Variants in KPNA6 observed in about 807,000 individuals in gnomAD.
KPNA6 encodes the protein importin subunit alpha-7.
KPNA6 carries 9 observed loss-of-function variants against 72.0 expected under a neutral mutation model. The ratio of observed to expected loss-of-function variants is 0.13; its 90% CI spans 0.08 to 0.22. The LOEUF is 0.22. KPNA6 is among the 10% of genes least tolerant of loss of function. The pLI is 1.00. For missense variants in KPNA6, 374 were observed against 655.7 expected (o/e 0.57, Z 4.69); for synonymous variants, 219 against 242.1 (o/e 0.90, Z 0.89).
chr1:32,118,369 C>T (rs1304278024), intron 1 of KPNA6, among the ~76,000 whole-genome samples: 1 of 150,574 alleles, frequency 6.6e-6, no homozygotes, highest in African/African-American at 2.4e-5. Flanking sequence ...AATGGAGTCT[C>T]GCTTTTTCTC....
At chr1:32,152,008 C>T (rs181704618) in intron 1 of KPNA6, among the ~76,000 whole-genome samples, 8 of 152,194 alleles carry the variant, frequency 5.3e-5, no homozygotes, top group Admixed American at 4.6e-4. Flanking sequence ...ATAAGGAAAA[C>T]ATTAGTGAAG....
At chr1:32,126,908 T>C (rs1192538490) in intron 1 of KPNA6, among the ~76,000 whole-genome samples, 1 of 152,118 alleles carries the variant, frequency 6.6e-6, no homozygotes, top group East Asian at 1.9e-4. Flanking sequence ...ACCTGTTCAA[T>C]AGAAAGCAAG....
chr1:32,118,653 G>A (rs1280337712), intron 1 of KPNA6, among the ~76,000 whole-genome samples: 8 of 151,842 alleles, frequency 5.3e-5, no homozygotes, highest in Non-Finnish European at 1.2e-4. Context: ...TTAGTTGGGC[G>A]TGGTGGGATG....
intron 1 of KPNA6, among the ~76,000 whole-genome samples, chr1:32,112,919 TTGTC>T (rs1419986551): frequency 6.6e-6 from 1 of 152,188 alleles, no homozygotes; most frequent in Non-Finnish European, 1.5e-5. Flanking sequence ...AGGGTGGTGA[TTGTC>T]TGGGGTGGCA....
chr1:32,160,731 G>T (rs1642222303), intron 7 of KPNA6, 28 bp downstream of exon 7: 2 of 1,568,654 alleles, frequency 1.3e-6, no homozygotes, highest in Non-Finnish European at 1.8e-6. Flanking sequence ...TCTGTACCTG[G>T]GCGTCTACTG....
chr1:32,117,636 A>G (rs868380162), intron 1 of KPNA6, among the ~76,000 whole-genome samples: 1 of 152,154 alleles, frequency 6.6e-6, no homozygotes, highest in African/African-American at 2.4e-5. Context: ...GACAAAAACA[A>G]TAACAACAAT....
rs1642451735 is a variant in KPNA6 at position 32,172,227 on chromosome 1, C to T, written c.*1333C>T. On this transcript the variant is annotated 3_prime_UTR_variant, in exon 14 of 14. Transcript: ENST00000373625. Reference sequence around the variant, plus strand: ...TTTTCCTCTCTGCTTGGATTCTGGACCACCACCTGGGACCAACCTTCAGCT... The same window carrying T: ...TTTTCCTCTCTGCTTGGATTCTGGATCACCACCTGGGACCAACCTTCAGCT... 6.6e-6 allele frequency: 1 copy of T among 152,020 alleles called. No homozygotes were observed. Among genetic ancestry groups the T allele is most frequent in the Admixed American group, 6.5e-5 (1 of 15,274 alleles). The allele number at this position is 152,020 out of a possible 1,614,324, so 9.4% of individuals were successfully genotyped here.
rs886174891 is a variant in KPNA6 at position 32,166,046 on chromosome 1, T to TA, written c.991-51dup. ...CAACAACAACAACAACAAAAAAACA[T>TA]AAAAAAAATTAAAAACAGTTTAATT... On this transcript the variant is annotated intron_variant, in intron 10 of 13. Coordinates refer to ENST00000373625, the MANE Select transcript of KPNA6 (RefSeq NM_012316.5). The TA allele has an allele frequency of 9.5e-5, 143 of 1,499,124 alleles. No individual in the cohort carries two copies. In the African/African-American group the frequency reaches 1.3e-3, roughly 13 times the overall value. 92.9% of individuals were successfully genotyped at this position (1,499,124 alleles called of 1,614,324 possible).
At chr1:32,143,838 A>G (rs780799130) in intron 1 of KPNA6, among the ~76,000 whole-genome samples, 1 of 152,138 alleles carries the variant, frequency 6.6e-6, no homozygotes, top group African/African-American at 2.4e-5. Context: ...TGTAAGTGGA[A>G]TATTTTGTGT....
chr1:32,121,117 T>A (rs1641426036), intron 1 of KPNA6, among the ~76,000 whole-genome samples: 1 of 152,200 alleles, frequency 6.6e-6, no homozygotes, highest in Non-Finnish European at 1.5e-5. Context: ...CCTCAAGTGA[T>A]CTGCCTCCCT....
At chr1:32,145,254 T>C (rs953053320) in intron 1 of KPNA6, among the ~76,000 whole-genome samples, 10 of 151,796 alleles carry the variant, frequency 6.6e-5, no homozygotes, top group Admixed American at 3.3e-4. Flanking sequence ...CCACCACGCC[T>C]GGCCAAAACT....
At position 32,163,221 on chromosome 1, in the gene KPNA6, TC is replaced by T. The variant is rs763330088; in HGVS notation, c.912-11del. 6.3e-6 allele frequency: 10 copies of T among 1,593,784 alleles called. No individual in the cohort carries two copies. Among genetic ancestry groups the T allele is most frequent in the Middle Eastern group, 3.3e-4 (2 of 6,044 alleles). ...GGTGTGCTGGCCTTCTGATCAGATC[TC>T]CCTCCTCTGTAGGCACAATGATTAC... On this transcript the variant is annotated splice_polypyrimidine_tract_variant and intron_variant, in intron 9 of 13. Transcript: ENST00000373625.
chr1:32,108,280 C>A, intron 1 of KPNA6, 146 bp downstream of exon 1: 1 of 1,218,104 alleles, frequency 8.2e-7, no homozygotes, highest in East Asian at 2.4e-5. Flanking sequence ...GGGAGTGCCC[C>A]TCTTGCCAGT....
chr1:32,158,263 C>A lies in KPNA6; in HGVS notation c.332-4C>A. The A allele has an allele frequency of 6.2e-7, 1 of 1,602,538 alleles. No individual in the cohort carries two copies. The highest frequency in any genetic ancestry group is 8.5e-7 in the Non-Finnish European group (1 of 1,170,162). On this transcript the variant is annotated splice_polypyrimidine_tract_variant and splice_region_variant and intron_variant, in intron 4 of 13. Coordinates refer to ENST00000373625, the MANE Select transcript of KPNA6 (RefSeq NM_012316.5). ...GTTTTTATTTTCCCTTCTCCCTTATCCAGAGCCTAGTCCTCCAATAGATGA... is the reference window on the plus strand; with the variant it reads ...GTTTTTATTTTCCCTTCTCCCTTATACAGAGCCTAGTCCTCCAATAGATGA...
At chr1:32,161,521 G>A (rs1642238226) in intron 7 of KPNA6, among the ~76,000 whole-genome samples, 1 of 152,082 alleles carries the variant, frequency 6.6e-6, no homozygotes, top group South Asian at 2.1e-4. Context: ...TCACTTTCTT[G>A]GACCCTTCAC....
At chr1:32,150,287 C>G (rs1208909078) in intron 1 of KPNA6, among the ~76,000 whole-genome samples, 1 of 151,666 alleles carries the variant, frequency 6.6e-6, no homozygotes, top group Non-Finnish European at 1.5e-5. Flanking sequence ...CACCAGCTAC[C>G]ACGCCTGGCT....
intron 1 of KPNA6, among the ~76,000 whole-genome samples, chr1:32,111,112 T>G (rs1310912213): frequency 6.6e-6 from 1 of 152,190 alleles, no homozygotes; most frequent in Non-Finnish European, 1.5e-5. Context: ...TTATAAACTT[T>G]GTTATAAATT....
intron 1 of KPNA6, among the ~76,000 whole-genome samples, chr1:32,152,805 A>G (rs557831713): frequency 2.4e-4 from 37 of 152,054 alleles, no homozygotes; most frequent in Non-Finnish European, 4.9e-4. Flanking sequence ...AGATGGCGCC[A>G]TTGCACTCCA....
chr1:32,115,130 A>G (rs558027294), intron 1 of KPNA6, among the ~76,000 whole-genome samples: 1 of 147,166 alleles, frequency 6.8e-6, no homozygotes, highest in African/African-American at 2.5e-5. Context: ...ATGAGCCACC[A>G]CACCCGGCTT....
Sources: gnomAD v4.1 joint callset for allele counts (sites outside exome capture counted in the v4.1 genomes callset) on GRCh38, gnomAD v4.1.1 for gene constraint, MANE v1.5 for transcripts, NCBI Gene and HGNC (gene_info 2026-07-23, HGNC 2026-07-21) for gene names.